RXRA: variants seen among roughly 807,000 people sequenced by gnomAD.
The protein encoded by RXRA is retinoid X receptor alpha.
RXRA carries 5 observed loss-of-function variants against 44.5 expected under a neutral mutation model. The ratio of observed to expected loss-of-function variants is 0.11; its 90% CI spans 0.06 to 0.24. RXRA has a LOEUF of 0.24. Among genes scored for constraint, RXRA ranks in the 10% least tolerant of loss-of-function variants. The probability of loss-of-function intolerance (pLI) is 1.00; values close to 1 mark genes in which losing one functional copy is unlikely to be tolerated. For missense variants in RXRA, 412 were observed against 646.5 expected (o/e 0.64, Z 3.93); for synonymous variants, 291 against 271.4 (o/e 1.07, Z -0.71).
In RXRA at chr9:134,408,791, C is replaced by A; in HGVS notation, c.431-149C>A. On this transcript the variant is annotated intron_variant, in intron 3 of 9. Coordinates refer to ENST00000481739, the MANE Select transcript of RXRA (RefSeq NM_002957.6). ...AGGAGCAGAGAGAGTGAGGCTGGGGCCCAGTCTGAGCCCAGGCAGGGGTCT... is the reference window on the plus strand; with the variant it reads ...AGGAGCAGAGAGAGTGAGGCTGGGGACCAGTCTGAGCCCAGGCAGGGGTCT... The A allele has an allele frequency of 4.2e-6, 3 of 714,910 alleles. No homozygotes were observed. The Admixed American group carries it at 9.2e-5, about 22-fold the overall frequency. 44.3% of individuals were successfully genotyped at this position (714,910 alleles called of 1,614,324 possible).
chr9:134,429,780 G>A (rs540192975), intron 7 of RXRA, among the ~76,000 whole-genome samples: 2 of 152,210 alleles, frequency 1.3e-5, no homozygotes, highest in Non-Finnish European at 2.9e-5. Flanking sequence ...GCCCACCCTC[G>A]TCCGGGCCTG....
intron 1 of RXRA, among the ~76,000 whole-genome samples, chr9:134,370,515 C>T (rs909612758): frequency 1.3e-5 from 2 of 152,252 alleles, no homozygotes; most frequent in African/African-American, 2.4e-5. Context: ...CAAGCCTTTG[C>T]CCCGTAGACG....
chr9:134,367,612 A>G (rs1830430705), intron 1 of RXRA, among the ~76,000 whole-genome samples: 1 of 152,140 alleles, frequency 6.6e-6, no homozygotes, highest in Admixed American at 6.5e-5. Context: ...CAGTGCGGTG[A>G]CCCTCGCCGG....
intron 4 of RXRA, among the ~76,000 whole-genome samples, 199 bp downstream of exon 4, chr9:134,409,318 G>A (rs373369278): frequency 2.0e-5 from 3 of 152,348 alleles, no homozygotes; most frequent in South Asian, 4.1e-4. Flanking sequence ...ATGGGTCCTG[G>A]GCGGCATGTT....
chr9:134,419,114 T>G (rs60330517), intron 5 of RXRA, among the ~76,000 whole-genome samples: 13,127 of 152,234 alleles, frequency 0.086, 1,848 homozygotes, highest in African/African-American at 0.29. Flanking sequence ...AACCCTCCCC[T>G]TGAGTGACAG....
Position 134,349,122 on chromosome 9 carries a change from G to A in RXRA, c.28+22463G>A, listed in dbSNP as rs782479400. On this transcript the variant is annotated intron_variant, in intron 1 of 9. Coordinates refer to ENST00000481739, the MANE Select transcript of RXRA (RefSeq NM_002957.6). The surrounding 1 kb of genome is among the most constrained non-coding windows in gnomAD (Gnocchi z 4.3). ...TTGTGCTGTCCCTGAACTCACCGAG[G>A]GCCAGGAGGGGTCCTGAACACTGCC... Among the ~76,000 whole-genome samples the A allele has an allele frequency of 3.9e-5, 6 of 152,204 alleles. No individual in the cohort carries two copies. Among genetic ancestry groups the A allele is most frequent in the Non-Finnish European group, 5.9e-5 (4 of 68,022 alleles).
chr9:134,332,901 G>C (rs1196899928), intron 1 of RXRA, among the ~76,000 whole-genome samples: 1 of 152,146 alleles, frequency 6.6e-6, no homozygotes, highest in Non-Finnish European at 1.5e-5. Flanking sequence ...AGCCTGGGAA[G>C]GGGGGAGGAT....
chr9:134,389,396 G>T (rs913324339), intron 1 of RXRA, among the ~76,000 whole-genome samples: 1 of 152,134 alleles, frequency 6.6e-6, no homozygotes, highest in Non-Finnish European at 1.5e-5. Flanking sequence ...GCCCCAGGGG[G>T]TTAGGGGGCC....
rs2119212175 is a variant in RXRA at position 134,433,823 on chromosome 9, C to A, written c.1136-279C>A. 6.6e-6 allele frequency among the ~76,000 whole-genome samples: 1 copy of A among 152,302 alleles called. No homozygotes were observed. The highest frequency in any genetic ancestry group is 1.5e-5 in the Non-Finnish European group (1 of 67,998). ...CACTTTATCGATGGGGAAACCGAGT[C>A]TCTGGAGGTCAAATAGTTGACCCAA... On this transcript the variant is annotated intron_variant, in intron 8 of 9. Coordinates refer to ENST00000481739, the MANE Select transcript of RXRA (RefSeq NM_002957.6). The surrounding 1 kb of genome is among the most constrained non-coding windows in gnomAD (Gnocchi z 4.2).
intron 1 of RXRA, among the ~76,000 whole-genome samples, chr9:134,363,046 C>A (rs1446406654): frequency 6.6e-6 from 1 of 152,214 alleles, no homozygotes; most frequent in Admixed American, 6.5e-5. Flanking sequence ...TTCTCTTGCC[C>A]CTTCTCCCAG....
chr9:134,410,403 G>A (rs2119162744), intron 4 of RXRA, among the ~76,000 whole-genome samples: 2 of 152,332 alleles, frequency 1.3e-5, no homozygotes, highest in African/African-American at 4.8e-5. Flanking sequence ...CACATGCTGG[G>A]CCCTGGCCCC....
intron 6 of RXRA, chr9:134,424,169 C>A (rs1175984510): frequency 1.0e-6 from 1 of 985,210 alleles, no homozygotes; most frequent in Non-Finnish European, 1.2e-6. Context: ...CTGTGGCTGT[C>A]CCTCTTAGGT....
In RXRA at chr9:134,375,325, C is replaced by T. The variant is rs145918235; in HGVS notation, c.29-26307C>T. ...TGCCTGCTGTCTTCCTGGCCTGGTT[C>T]CGATGGCTGTGGCTGGCTGGGCACC... On this transcript the variant is annotated intron_variant, in intron 1 of 9. Transcript: ENST00000481739. Among the ~76,000 whole-genome samples the T allele has an allele frequency of 4.7e-3, 711 of 152,188 alleles. 2 individuals are homozygous for T. Among genetic ancestry groups the T allele is most frequent in the Middle Eastern group, 0.037 (11 of 294 alleles).
intron 1 of RXRA, among the ~76,000 whole-genome samples, chr9:134,388,720 T>A (rs987988409): frequency 1.3e-5 from 2 of 152,236 alleles, no homozygotes; most frequent in East Asian, 1.9e-4. Context: ...CCCCTTTCCC[T>A]GGTCTTCCTG....
intron 1 of RXRA, among the ~76,000 whole-genome samples, chr9:134,395,973 C>T (rs1211289143): frequency 1.3e-5 from 2 of 152,286 alleles, no homozygotes; most frequent in Admixed American, 1.3e-4. Context: ...AGGTGACAGG[C>T]CCGAGTCTTT....
At chr9:134,418,786 C>T (rs928674832) in intron 5 of RXRA, among the ~76,000 whole-genome samples, 7 of 152,192 alleles carry the variant, frequency 4.6e-5, no homozygotes, top group African/African-American at 1.4e-4. Context: ...TCTGCCCCCA[C>T]GAGGCTGCTG....
chr9:134,368,083 G>C (rs1362926632), intron 1 of RXRA, among the ~76,000 whole-genome samples: 1 of 152,330 alleles, frequency 6.6e-6, no homozygotes. Flanking sequence ...CTGCGGCAGC[G>C]GGCCTGGGGC....
At chr9:134,396,639 G>A (rs1220845712) in intron 1 of RXRA, among the ~76,000 whole-genome samples, 1 of 152,124 alleles carries the variant, frequency 6.6e-6, no homozygotes, top group Admixed American at 6.5e-5. Context: ...CGCAGGCCGA[G>A]CTCCTCCCTC....
At chr9:134,423,513 T>C (rs1437131480) in intron 6 of RXRA, 19 of 985,326 alleles carry the variant, frequency 1.9e-5, no homozygotes, top group African/African-American at 3.5e-5. Flanking sequence ...ACAGGCTGTG[T>C]GTATAGGGCC....
Sources: allele counts gnomAD v4.1 joint callset (sites outside exome capture counted in the v4.1 genomes callset), GRCh38; gene constraint gnomAD v4.1.1; non-coding constraint Gnocchi (gnomAD v3.1); transcripts MANE v1.5; gene names NCBI Gene and HGNC (gene_info 2026-07-23, HGNC 2026-07-21).